Variants in RTN4 observed in about 807,000 individuals in gnomAD.
RTN4 encodes reticulon-4.
In RTN4, 32 loss-of-function variants were observed where a neutral mutation model predicts 90.4. That is an observed-to-expected ratio of 0.35 (90% CI 0.27 to 0.48). The LOEUF is 0.48. RTN4 is among the 20% of genes least tolerant of loss of function. The pLI is 0.99. For synonymous variants in RTN4, 629 were observed against 552.5 expected (o/e 1.14, Z -1.94); for missense variants, 1,706 against 1,430.2 (o/e 1.19, Z -3.11).
chr2:55,003,334 G>A (rs1489945839), intron 3 of RTN4, among the ~76,000 whole-genome samples: 1 of 152,074 alleles, frequency 6.6e-6, no homozygotes, highest in Non-Finnish European at 1.5e-5. Flanking sequence ...AGCTTCATAA[G>A]AAAATGTTAT....
chr2:55,120,959 AC>A, the RTN4 span, among the ~76,000 whole-genome samples: 1 of 152,014 alleles, frequency 6.6e-6, no homozygotes, highest in African/African-American at 2.4e-5. Context: ...CAATAAGGAA[AC>A]CCTGGTGGCC....
At chr2:55,059,942 T>C (rs1358980310) in intron 2 of RTN4, among the ~76,000 whole-genome samples, 1 of 152,058 alleles carries the variant, frequency 6.6e-6, no homozygotes, top group Non-Finnish European at 1.5e-5. Flanking sequence ...CCTCCCAAAG[T>C]GCTGGGATTA....
At chr2:55,137,667 C>A in the RTN4 span, among the ~76,000 whole-genome samples, 1 of 152,158 alleles carries the variant, frequency 6.6e-6, no homozygotes, top group African/African-American at 2.4e-5. Context: ...ACTGCTGGCA[C>A]AGAGAGAGTT....
intron 1 of RTN4, among the ~76,000 whole-genome samples, chr2:55,029,663 T>TA (rs1279894290): frequency 6.6e-6 from 1 of 152,208 alleles, no homozygotes; most frequent in African/African-American, 2.4e-5. Context: ...CAAGGTCTTA[T>TA]ATATTTTAGA....
intron 2 of RTN4, among the ~76,000 whole-genome samples, chr2:55,075,842 G>A (rs1365542300): frequency 1.3e-5 from 2 of 152,076 alleles, no homozygotes; most frequent in Non-Finnish European, 2.9e-5. Flanking sequence ...AAATGAGGAA[G>A]ACACCCTATT....
chr2:55,020,570 A>C (rs1391038234), intron 3 of RTN4, among the ~76,000 whole-genome samples: 1 of 152,234 alleles, frequency 6.6e-6, no homozygotes, highest in African/African-American at 2.4e-5. Flanking sequence ...GAGGAAGACC[A>C]GAATTCATTA....
intron 2 of RTN4, among the ~76,000 whole-genome samples, chr2:55,064,246 C>T (rs934655684): frequency 1.3e-5 from 2 of 149,688 alleles, no homozygotes; most frequent in Non-Finnish European, 3.0e-5. Context: ...AAAGAAAACA[C>T]ATAACAGAAA....
At position 55,015,737 on chromosome 2, in the gene RTN4, A is replaced by G. The variant is rs185582976; in HGVS notation, c.3013+9349T>C. 3.8e-3 allele frequency among the ~76,000 whole-genome samples: 572 copies of G among 152,352 alleles called. 5 individuals are homozygous for G. The highest frequency in any genetic ancestry group is 6.2e-3 in the Non-Finnish European group (424 of 68,026). On this transcript the variant is annotated intron_variant, in intron 3 of 8. Coordinates refer to ENST00000337526, the MANE Select transcript of RTN4 (RefSeq NM_020532.5). ...ATATTTAAGGAACGAGTCATAGTAGATAACTCTAGGAAACAGCACTAGGCA... is the reference window on the plus strand; with the variant it reads ...ATATTTAAGGAACGAGTCATAGTAGGTAACTCTAGGAAACAGCACTAGGCA...
intron 1 of RTN4, among the ~76,000 whole-genome samples, chr2:55,098,413 T>C (rs1219747234): frequency 6.6e-6 from 1 of 152,080 alleles, no homozygotes; most frequent in East Asian, 1.9e-4. Context: ...AGTAACAGAA[T>C]AATAATAAAC....
At chr2:55,116,835 C>T (rs1400993746), upstream of RTN4, among the ~76,000 whole-genome samples, 1 of 151,424 alleles carries the variant, frequency 6.6e-6, no homozygotes, top group Admixed American at 6.6e-5. Flanking sequence ...TCCCAGAACT[C>T]TCCTTTATGC....
Position 55,026,986 on chromosome 2 carries a change from T to G in RTN4, c.1113A>C (p.Glu371Asp). ...TAGGAGCTTCCACTGCAACTCTCTT[T>G]TCATTAAAACTGTCTTTTGCTTTTT... is the stretch of plus-strand genomic sequence containing the variant. ...SSEKAKDSFN[E>D]KRVAVEAPMR... Residue 371 changes from glutamate (E) to aspartate (D), a missense_variant, in exon 3 of 9, where the codon GAA becomes GAC. Glu to Asp is a conservative substitution (Grantham distance 45). Coordinates refer to ENST00000337526, the MANE Select transcript of RTN4 (RefSeq NM_020532.5). 1.2e-6 allele frequency: 2 copies of G among 1,613,478 alleles called. No individual in the cohort carries two copies. The highest frequency in any genetic ancestry group is 1.7e-6 in the Non-Finnish European group (2 of 1,179,900).
chr2:55,093,028 G>A (rs1354853108), intron 1 of RTN4, among the ~76,000 whole-genome samples: 2 of 152,226 alleles, frequency 1.3e-5, no homozygotes, highest in Non-Finnish European at 2.9e-5. Context: ...ACCATTGTGT[G>A]TGTGTCTATG....
chr2:55,007,193 C>T (rs1680290056), intron 3 of RTN4, among the ~76,000 whole-genome samples: 1 of 152,134 alleles, frequency 6.6e-6, no homozygotes, highest in Non-Finnish European at 1.5e-5. Context: ...CAAATCTATA[C>T]CAAATGCCAA....
At chr2:55,008,852 A>C (rs1199761998) in intron 3 of RTN4, among the ~76,000 whole-genome samples, 1 of 152,124 alleles carries the variant, frequency 6.6e-6, no homozygotes, top group Non-Finnish European at 1.5e-5. Context: ...CATTTGTATC[A>C]TTTTCACTTA....
chr2:55,013,246 CT>C (rs1189767893), intron 3 of RTN4, among the ~76,000 whole-genome samples: 1 of 152,052 alleles, frequency 6.6e-6, no homozygotes. Context: ...TCAAAATCAG[CT>C]TTATACAGAA....
chr2:54,988,248 C>T (rs937043969), intron 3 of RTN4, among the ~76,000 whole-genome samples: 4 of 152,130 alleles, frequency 2.6e-5, no homozygotes, highest in Non-Finnish European at 5.9e-5. Context: ...ACCCGGGAGG[C>T]AGAGGTTGCA....
In RTN4 at chr2:54,973,152, GTTTT is replaced by G; in HGVS notation, c.3579_*3del. Reference sequence around the variant, plus strand: ...TGAACTCCTACTAATTATTTTGGGCGTTTTCATTCAGCTTTGCGCTTCAATCCAG... The same window carrying G: ...TGAACTCCTACTAATTATTTTGGGCGCATTCAGCTTTGCGCTTCAATCCAG... On this transcript the variant is annotated stop_lost and 3_prime_UTR_variant, in exon 9 of 9. Coordinates refer to ENST00000337526, the MANE Select transcript of RTN4 (RefSeq NM_020532.5). The G allele has an allele frequency of 6.2e-7, 1 of 1,601,774 alleles. No homozygotes were observed. The highest frequency in any genetic ancestry group is 8.5e-7 in the Non-Finnish European group (1 of 1,170,156).
chr2:55,027,526 G>T, intron 2 of RTN4, 41 bp from the exon 3 acceptor site: 1 of 1,545,286 alleles, frequency 6.5e-7, no homozygotes, highest in South Asian at 1.3e-5. Context: ...GAATGCCAGT[G>T]TTCTCAGAGT....
chr2:55,137,632 T>C, the RTN4 span, among the ~76,000 whole-genome samples: 1 of 152,066 alleles, frequency 6.6e-6, no homozygotes, highest in Non-Finnish European at 1.5e-5. Flanking sequence ...AGGTGCCCCC[T>C]CAACCTGTCC....
Sources: gnomAD v4.1 joint callset for allele counts (sites outside exome capture counted in the v4.1 genomes callset) on GRCh38, gnomAD v4.1.1 for gene constraint, MANE v1.5 for transcripts, NCBI Gene and HGNC (gene_info 2026-07-23, HGNC 2026-07-21) for gene names.